Variants in STPG2 observed in about 807,000 individuals in gnomAD.
STPG2 encodes sperm-tail PG-rich repeat-containing protein 2.
Under a neutral mutation model 54.2 loss-of-function variants are expected in STPG2, and 56 were observed. The observed-to-expected ratio is 1.03, with a 90% CI of 0.83 to 1.29. The LOEUF is 1.29. Ranked by LOEUF, STPG2 falls within the 50% of genes most tolerant of loss-of-function variation. The pLI, the probability that STPG2 is intolerant of heterozygous loss-of-function variation, is 0.00. For synonymous variants in STPG2, 200 were observed against 181.8 expected (o/e 1.10, Z -0.81); for missense variants, 596 against 544.9 (o/e 1.09, Z -0.93).
downstream of STPG2, among the ~76,000 whole-genome samples, chr4:97,556,852 A>G (rs1578385209): frequency 6.6e-6 from 1 of 152,316 alleles, no homozygotes; most frequent in Middle Eastern, 3.4e-3. Context: ...CCAAAGAGAA[A>G]AGACCTATAT....
At chr4:97,799,740 G>A (rs559959433) in intron 9 of STPG2, among the ~76,000 whole-genome samples, 1 of 151,284 alleles carries the variant, frequency 6.6e-6, no homozygotes, top group Non-Finnish European at 1.5e-5. Context: ...GCCTTGCTAG[G>A]TTGGCGAAGT....
chr4:97,958,773 T>C (rs1733780833), intron 7 of STPG2, among the ~76,000 whole-genome samples: 1 of 152,074 alleles, frequency 6.6e-6, no homozygotes, highest in African/African-American at 2.4e-5. Flanking sequence ...ACAATAACAG[T>C]GGGGGACTTC....
At position 98,046,050 on chromosome 4, in the gene STPG2, C is replaced by CTT. The variant is rs546145548; in HGVS notation, c.612+59901_612+59902dup. Among the ~76,000 whole-genome samples the CTT allele has an allele frequency of 2.8e-3, 387 of 136,352 alleles. 6 individuals are homozygous for CTT. Among genetic ancestry groups the CTT allele is most frequent in the Middle Eastern group, 0.016 (4 of 258 alleles). The allele number at this position is 136,352 out of a possible 152,430, so 89.5% of individuals were successfully genotyped here. A position where few individuals can be genotyped will look rare whatever the true frequency, so the allele number is the denominator to read the frequency against. Reference sequence around the variant, plus strand: ...AAGTGATCTTCATAGTTTTTTCATTCTTTTTTTTTTTTTTGGCTCCTTTGA... The same window carrying CTT: ...AAGTGATCTTCATAGTTTTTTCATTCTTTTTTTTTTTTTTTTGGCTCCTTTGA... On this transcript the variant is annotated intron_variant, in intron 5 of 10. Transcript: ENST00000295268.
chr4:97,523,165 G>A (rs1731214929), intron 4 of STPG2, among the ~76,000 whole-genome samples: 1 of 151,836 alleles, frequency 6.6e-6, no homozygotes, highest in Admixed American at 6.6e-5. Context: ...TTATAGCTTA[G>A]AAGCATAATT....
intron 9 of STPG2, among the ~76,000 whole-genome samples, chr4:97,726,265 A>G: frequency 6.6e-6 from 1 of 151,952 alleles, no homozygotes; most frequent in East Asian, 1.9e-4. Flanking sequence ...ATAGAGACAG[A>G]AAATAGAATG....
intron 4 of STPG2, among the ~76,000 whole-genome samples, chr4:97,495,421 A>G (rs1490676226): frequency 6.6e-6 from 1 of 151,422 alleles, no homozygotes. Flanking sequence ...AAAACCACCC[A>G]CACAAAGTTT....
intron 5 of STPG2, among the ~76,000 whole-genome samples, chr4:98,008,912 A>G (rs1213847458): frequency 6.6e-6 from 1 of 152,082 alleles, no homozygotes; most frequent in Non-Finnish European, 1.5e-5. Context: ...GTTCTAGGTT[A>G]TCCAATTTGT....
intron 10 of STPG2, among the ~76,000 whole-genome samples, chr4:97,643,781 T>C (rs1721830131): frequency 6.6e-6 from 1 of 151,812 alleles, no homozygotes; most frequent in Non-Finnish European, 1.5e-5. Context: ...ATTACGAGTG[T>C]CTGATATTAT....
intron 10 of STPG2, among the ~76,000 whole-genome samples, chr4:97,644,427 T>C (rs1721851910): frequency 6.6e-6 from 1 of 151,928 alleles, no homozygotes; most frequent in South Asian, 2.1e-4. Flanking sequence ...GCCAAACAAA[T>C]AAGAACCTTA....
At chr4:97,741,502 C>T (rs1424124598) in intron 9 of STPG2, among the ~76,000 whole-genome samples, 5 of 151,504 alleles carry the variant, frequency 3.3e-5, no homozygotes, top group Non-Finnish European at 7.4e-5. Flanking sequence ...ACAATGAACT[C>T]AAACAAATTT....
chr4:97,938,500 C>A (rs916836202), intron 8 of STPG2, among the ~76,000 whole-genome samples: 3 of 152,224 alleles, frequency 2.0e-5, no homozygotes, highest in Admixed American at 2.0e-4. Flanking sequence ...ACGATGGCCA[C>A]CCACCCCTGC....
chr4:97,584,606 G>A (rs1372327437), intron 10 of STPG2, among the ~76,000 whole-genome samples: 1 of 151,716 alleles, frequency 6.6e-6, no homozygotes, highest in Non-Finnish European at 1.5e-5. Context: ...TCTTTGAAAA[G>A]ATAAACAAAA....
At chr4:97,489,537 G>A (rs555022974) in intron 4 of STPG2, among the ~76,000 whole-genome samples, 1 of 151,730 alleles carries the variant, frequency 6.6e-6, no homozygotes, top group South Asian at 2.1e-4. Flanking sequence ...TATGGATCTA[G>A]TAGAGGAACA....
At chr4:97,736,506 C>T (rs1411815173) in intron 9 of STPG2, among the ~76,000 whole-genome samples, 1 of 152,132 alleles carries the variant, frequency 6.6e-6, no homozygotes, top group Non-Finnish European at 1.5e-5. Context: ...ACTCCCACCC[C>T]ATTACTGCGC....
chr4:97,452,944 C>G (rs1390244339), intron 4 of STPG2, among the ~76,000 whole-genome samples: 1 of 152,212 alleles, frequency 6.6e-6, no homozygotes, highest in Non-Finnish European at 1.5e-5. Flanking sequence ...TCATCTTCCA[C>G]TTGTCTGTGT....
chr4:97,947,739 T>G (rs1366184876), intron 7 of STPG2, among the ~76,000 whole-genome samples: 1 of 152,168 alleles, frequency 6.6e-6, no homozygotes, highest in Non-Finnish European at 1.5e-5. Flanking sequence ...CATCCCTGCA[T>G]CCCTTGAATG....
intron 10 of STPG2, among the ~76,000 whole-genome samples, chr4:97,628,144 T>C (rs192927153): frequency 3.2e-4 from 48 of 152,272 alleles, no homozygotes; most frequent in African/African-American, 1.1e-3. Context: ...TTAGCCATTA[T>C]AATTTTGCAT....
intron 10 of STPG2, among the ~76,000 whole-genome samples, chr4:97,679,462 T>G (rs907668964): frequency 6.6e-6 from 1 of 152,066 alleles, no homozygotes; most frequent in South Asian, 2.1e-4. Flanking sequence ...TGCCCACTTT[T>G]TGATGGGGTT....
At chr4:97,562,522 T>G (rs2148875612) in intron 10 of STPG2, among the ~76,000 whole-genome samples, 1 of 152,298 alleles carries the variant, frequency 6.6e-6, no homozygotes, top group Admixed American at 6.5e-5. Context: ...CTTGTGCCAG[T>G]TTTCAAAGGG....
Sources: gnomAD v4.1 joint callset for allele counts (sites outside exome capture counted in the v4.1 genomes callset) on GRCh38, gnomAD v4.1.1 for gene constraint, MANE v1.5 for transcripts, NCBI Gene and HGNC (gene_info 2026-07-23, HGNC 2026-07-21) for gene names.